COQ6: variants seen among roughly 807,000 people sequenced by gnomAD.
COQ6 encodes the protein coenzyme Q6, monooxygenase.
In COQ6, 45 loss-of-function variants were observed where a neutral mutation model predicts 55.5. The ratio of observed to expected loss-of-function variants is 0.81; its 90% CI spans 0.64 to 1.04. The LOEUF is 1.04. Ranked by LOEUF, COQ6 falls within the 50% of genes least tolerant of loss-of-function variation. COQ6 has a pLI of 0.00. For missense variants in COQ6, 550 were observed against 601.3 expected (o/e 0.91, Z 0.89); for synonymous variants, 206 against 230.5 (o/e 0.89, Z 0.96).
chr14:73,953,718 C>A, intron 2 of COQ6, 149 bp downstream of exon 2: 4 of 1,029,510 alleles, frequency 3.9e-6, no homozygotes, highest in Non-Finnish European at 6.0e-6. Context: ...TAGTCTAGGG[C>A]AGAGTTGAAG....
At chr14:73,959,644 T>C (rs979665408) in intron 8 of COQ6, 122 bp downstream of exon 8, 7 of 1,539,852 alleles carry the variant, frequency 4.5e-6, no homozygotes, top group African/African-American at 1.4e-5. Context: ...CTTGGCTCAC[T>C]GTGCAATCTC....
rs146458320 is a variant in COQ6, at chr14:73,961,863, C to T, written c.1337C>T (p.Thr446Met). Residue 446 changes from threonine to methionine, a missense_variant, in exon 11 of 12, where the codon ACG becomes ATG. Physicochemically the swap from Thr to Met is moderately conservative, Grantham distance 81. Transcript: ENST00000334571. Reference protein sequence around the residue: ...TSASPLVLLRTWGLQATNAVS... With the variant: ...TSASPLVLLRMWGLQATNAVS... ...GCCTCCCCGCTTGTGTTGCTCAGGACGTGGGGCTTGCAGGCCACAAATGCA... is the reference window on the plus strand; with the variant it reads ...GCCTCCCCGCTTGTGTTGCTCAGGATGTGGGGCTTGCAGGCCACAAATGCA... 1.0e-4 allele frequency: 166 copies of T among 1,614,136 alleles called. No homozygotes were observed. In the African/African-American group the frequency reaches 1.7e-3, roughly 16 times the overall value.
In COQ6 at chr14:73,963,271, G is replaced by T; in HGVS notation, c.*272G>T. On this transcript the variant is annotated 3_prime_UTR_variant, in exon 12 of 12. Transcript: ENST00000334571. ...TTTTTATTACTAAAAAACCCACAAGGTGCTGTCTCACTCATTTCCAGTTAA... is the reference window on the plus strand; with the variant it reads ...TTTTTATTACTAAAAAACCCACAAGTTGCTGTCTCACTCATTTCCAGTTAA... 1 of 540,250 alleles carries T rather than the reference G, an allele frequency of 1.9e-6. No individual in the cohort carries two copies. The highest frequency in any genetic ancestry group is 3.3e-6 in the Non-Finnish European group (1 of 307,586). 33.5% of individuals were successfully genotyped at this position (540,250 alleles called of 1,614,324 possible). A position where few individuals can be genotyped will look rare whatever the true frequency, so the allele number is the denominator to read the frequency against.
chr14:73,953,400 T>C, intron 1 of COQ6, 35 bp from the exon 2 acceptor site: 1 of 1,563,214 alleles, frequency 6.4e-7, no homozygotes, highest in Non-Finnish European at 8.8e-7. Flanking sequence ...AAATTCTTGA[T>C]TTTCCTAAGA....
Position 73,951,548 on chromosome 14 carries a change from G to A in COQ6, c.163+1053G>A, listed in dbSNP as rs183122457. Among the ~76,000 whole-genome samples, 305 of 149,098 alleles carry A rather than the reference G, an allele frequency of 2.0e-3. 1 individual carries two copies. Among genetic ancestry groups the A allele is most frequent in the African/African-American group, 7.1e-3 (286 of 40,478 alleles). On this transcript the variant is annotated intron_variant, in intron 1 of 11. Transcript: ENST00000334571. ...TCACCATATTGGCCAGGCTGGTCTC[G>A]AACTCCTGATCTCGTGATCCACCTG...
At chr14:73,962,875 A>T (rs894956308) in intron 11 of COQ6, 95 bp from the exon 12 acceptor site, 1 of 1,054,798 alleles carries the variant, frequency 9.5e-7, no homozygotes, top group Non-Finnish European at 1.5e-6. Context: ...AAACAAGGAC[A>T]CTTGGGAAGA....
chr14:73,958,516 A>G lies in COQ6; in HGVS notation c.612+239A>G, dbSNP rs193015414. 3.2e-5 allele frequency: 43 copies of G among 1,350,208 alleles called. No homozygotes were observed. The Admixed American group carries it at 1.1e-3, about 33-fold the overall frequency. 83.6% of individuals were successfully genotyped at this position (1,350,208 alleles called of 1,614,324 possible). On this transcript the variant is annotated intron_variant, in intron 5 of 11. Coordinates refer to ENST00000334571, the MANE Select transcript of COQ6 (RefSeq NM_182476.3). Reference sequence around the variant, plus strand: ...ATAACAGATAGCTGGGCCTCACAGGACAGGCACCAGAGTGTTGGGAATGGA... The same window carrying G: ...ATAACAGATAGCTGGGCCTCACAGGGCAGGCACCAGAGTGTTGGGAATGGA...
chr14:73,957,128 C>T (rs997825789), intron 4 of COQ6, among the ~76,000 whole-genome samples: 10 of 150,042 alleles, frequency 6.7e-5, no homozygotes, highest in East Asian at 2.0e-4. Context: ...GATGGAGTCT[C>T]GCTCTGTCGC....
rs1341908439 is a variant in COQ6 at position 73,963,374 on chromosome 14, A to G, written c.*375A>G. The stretch of plus-strand genomic sequence containing the variant: ...AATTTATACAGTTGTTTTTTGATAG[A>G]GGTAAGAATTAGACTCGATGCATTT... On this transcript the variant is annotated 3_prime_UTR_variant, in exon 12 of 12. Transcript: ENST00000334571. 5 of 359,536 alleles carry G rather than the reference A, an allele frequency of 1.4e-5. No individual in the cohort carries two copies. The highest frequency in any genetic ancestry group is 1.0e-4 in the African/African-American group (5 of 47,656). 22.3% of individuals were successfully genotyped at this position (359,536 alleles called of 1,614,324 possible). A position where few individuals can be genotyped will look rare whatever the true frequency, so the allele number is the denominator to read the frequency against.
chr14:73,953,712 C>T (rs1820484823), intron 2 of COQ6, 143 bp downstream of exon 2: 1 of 1,088,630 alleles, frequency 9.2e-7, no homozygotes, highest in Non-Finnish European at 1.4e-6. Flanking sequence ...GATTGGTAGT[C>T]TAGGGCAGAG....
At chr14:73,950,215 T>C (rs2140355153), upstream of COQ6, 1 of 1,542,016 alleles carries the variant, frequency 6.5e-7, no homozygotes. Flanking sequence ...TCTCCGCGCA[T>C]TTTATTTCCG....
intron 2 of COQ6, 183 bp downstream of exon 2, chr14:73,953,752 T>A: frequency 1.4e-6 from 1 of 722,376 alleles, no homozygotes; most frequent in Non-Finnish European, 2.4e-6. Context: ...CAGTTGCTAC[T>A]GCCTCAACTC....
At chr14:73,950,062 G>A, upstream of COQ6, 1 of 1,609,394 alleles carries the variant, frequency 6.2e-7, no homozygotes, top group Non-Finnish European at 8.5e-7. Context: ...CAGTGACAGC[G>A]ATAGTGGCAG....
chr14:73,959,265 G>A, intron 7 of COQ6, 41 bp downstream of exon 7: 1 of 1,614,240 alleles, frequency 6.2e-7, no homozygotes, highest in Non-Finnish European at 8.5e-7. Flanking sequence ...ATGCATGCAA[G>A]CCTTTCCTCT....
intron 4 of COQ6, 33 bp from the exon 5 acceptor site, chr14:73,958,114 C>G (rs2056530576): frequency 6.3e-7 from 1 of 1,587,086 alleles, no homozygotes; most frequent in Non-Finnish European, 8.7e-7. Context: ...GCCCACCTTT[C>G]TAATTTTTTT....
Position 73,950,508 on chromosome 14 carries a change from C to G in COQ6, c.163+13C>G, listed in dbSNP as rs2056144711. On this transcript the variant is annotated intron_variant, in intron 1 of 11. Transcript: ENST00000334571. ...GCCTGTGCCTTGGGTAAGCCCTTCT[C>G]CAGGCTACTAGTGGCCGGAAACCGG... The G allele has an allele frequency of 6.3e-7, 1 of 1,597,830 alleles. No individual in the cohort carries two copies. The highest frequency in any genetic ancestry group is 8.5e-7 in the Non-Finnish European group (1 of 1,172,516).
chr14:73,956,191 G>GCA (rs2056427700), intron 4 of COQ6: 4 of 385,464 alleles, frequency 1.0e-5, no homozygotes, highest in Non-Finnish European at 2.0e-5. Flanking sequence ...AGCCAGGCAT[G>GCA]GTGGCGGGCG....
rs569943248 is a variant in COQ6, at chr14:73,955,658, G to T, written c.358-147G>T. On this transcript the variant is annotated intron_variant, in intron 3 of 11. Coordinates refer to ENST00000334571, the MANE Select transcript of COQ6 (RefSeq NM_182476.3). The stretch of plus-strand genomic sequence containing the variant: ...GAAGTGGGGAGAAGCATTCCCAGGA[G>T]AATTTTCTTCTCATTTTATATTTTC... 6.2e-4 allele frequency: 874 copies of T among 1,415,200 alleles called. 13 individuals are homozygous for T. In the South Asian group the frequency reaches 7.5e-3, roughly 12 times the overall value. The allele number at this position is 1,415,200 out of a possible 1,614,324, so 87.7% of individuals were successfully genotyped here. A position where few individuals can be genotyped will look rare whatever the true frequency, so the allele number is the denominator to read the frequency against.
At chr14:73,954,091 T>C (rs1267613906) in intron 2 of COQ6, among the ~76,000 whole-genome samples, 1 of 152,236 alleles carries the variant, frequency 6.6e-6, no homozygotes, top group African/African-American at 2.4e-5. Context: ...TTCTAGCCCC[T>C]TTCCCTGCTC....
Sources: gnomAD v4.1 joint callset for allele counts (sites outside exome capture counted in the v4.1 genomes callset) on GRCh38, gnomAD v4.1.1 for gene constraint, MANE v1.5 for transcripts, NCBI Gene and HGNC (gene_info 2026-07-23, HGNC 2026-07-21) for gene names.